Variants in LRP8 observed in about 807,000 individuals in gnomAD.
LRP8 encodes the protein LDL receptor related protein 8.
A neutral mutation model predicts 111.6 loss-of-function variants in LRP8; 46 were observed. The ratio of observed to expected loss-of-function variants is 0.41; its 90% CI spans 0.33 to 0.53. The LOEUF (loss-of-function observed/expected upper bound fraction) is 0.53, where lower values mean the gene tolerates loss of function less well. LRP8 is among the 20% of genes least tolerant of loss of function. LRP8 has a pLI of 0.20. For synonymous variants in LRP8, 464 were observed against 511.2 expected, an observed-to-expected ratio of 0.91 and a Z score of 1.24; for missense variants, 959 against 1,297.4, an observed-to-expected ratio of 0.74 and a Z score of 4.01.
rs958461523 is a variant in LRP8 at position 53,317,856 on chromosome 1, C to G, written c.244+9017G>C. 1.3e-5 allele frequency among the ~76,000 whole-genome samples: 2 copies of G among 152,218 alleles called. No homozygotes were observed. The highest frequency in any genetic ancestry group is 2.9e-5 in the Non-Finnish European group (2 of 68,036). On this transcript the variant is annotated intron_variant, in intron 2 of 18. Transcript: ENST00000306052. The surrounding 1 kb of genome is among the most constrained non-coding windows in gnomAD (Gnocchi z 4.9). ...CAGAAGGGAAAGTCACCCAAGGAAC[C>G]TGGGCCTCAGGGTGGAGCTCTGGAA...
intron 3 of LRP8, 29 bp downstream of exon 3, chr1:53,289,538 C>G (rs781363616): frequency 6.3e-7 from 1 of 1,577,712 alleles, no homozygotes. Context: ...TGAGGCCCAC[C>G]CCCACCCAGA....
Position 53,326,844 on chromosome 1 carries a change from G to A in LRP8, c.244+29C>T, listed in dbSNP as rs1336786734. ...CCCCCACCGTTCCTTTTCTCTCCCC[G>A]GGTCTGAGCTCCCTGGCCCGCCACT... On this transcript the variant is annotated intron_variant, in intron 2 of 18. Coordinates refer to ENST00000306052, the MANE Select transcript of LRP8 (RefSeq NM_004631.5). 4.4e-6 allele frequency: 7 copies of A among 1,605,812 alleles called. No individual in the cohort carries two copies. In the African/African-American group the frequency reaches 6.7e-5, roughly 15 times the overall value.
intron 9 of LRP8, among the ~76,000 whole-genome samples, chr1:53,264,939 A>C (rs1303342155): frequency 2.6e-5 from 4 of 152,168 alleles, no homozygotes; most frequent in African/African-American, 4.8e-5. Flanking sequence ...GTACCACGCC[A>C]AGGAATTAGG....
chr1:53,249,305 C>T lies in LRP8; in HGVS notation c.2853+75G>A, dbSNP rs1164797536. The T allele has an allele frequency of 2.0e-6, 3 of 1,510,376 alleles. No individual in the cohort carries two copies. The African/African-American group carries it at 4.2e-5, about 21-fold the overall frequency. The allele number at this position is 1,510,376 out of a possible 1,614,324, so 93.6% of individuals were successfully genotyped here. On this transcript the variant is annotated intron_variant, in intron 18 of 18. Transcript: ENST00000306052. This position sits in a 1 kb window ranked among gnomAD's most constrained non-coding sequence, Gnocchi z 4.1. ...CAGCCTTCCCAAACCAGAAAGCCTTCTAGGATTGGCTGCGCCTGCCTTGGT... is the reference window on the plus strand; with the variant it reads ...CAGCCTTCCCAAACCAGAAAGCCTTTTAGGATTGGCTGCGCCTGCCTTGGT...
chr1:53,247,128 C>G, intron 18 of LRP8, 72 bp from the exon 19 acceptor site: 1 of 1,219,114 alleles, frequency 8.2e-7, no homozygotes, highest in Non-Finnish European at 1.2e-6. Flanking sequence ...TGACAAATCA[C>G]AGACTTACGT....
rs1325063148 is a variant in LRP8, at chr1:53,317,457, C to T, written c.244+9416G>A. On this transcript the variant is annotated intron_variant, in intron 2 of 18. Coordinates refer to ENST00000306052, the MANE Select transcript of LRP8 (RefSeq NM_004631.5). This position sits in a 1 kb window ranked among gnomAD's most constrained non-coding sequence, Gnocchi z 4.9. ...ATGGGGTGGGATGAGATGGCTCCGA[C>T]AGTCCCTCCCAGCCCGAGGAGCTGC... Among the ~76,000 whole-genome samples the T allele has an allele frequency of 6.6e-6, 1 of 152,220 alleles. No individual in the cohort carries two copies. The highest frequency in any genetic ancestry group is 1.5e-5 in the Non-Finnish European group (1 of 68,038).
chr1:53,285,370 C>T (rs939633560), intron 3 of LRP8, among the ~76,000 whole-genome samples: 1 of 152,140 alleles, frequency 6.6e-6, no homozygotes, highest in South Asian at 2.1e-4. Flanking sequence ...ATCTGATGTC[C>T]ACTCTCAGGA....
chr1:53,285,390 C>T (rs762790212), intron 3 of LRP8, among the ~76,000 whole-genome samples: 13 of 152,146 alleles, frequency 8.5e-5, no homozygotes, highest in Non-Finnish European at 1.3e-4. Context: ...ATAACTGAAG[C>T]CCAAGGGCCC....
chr1:53,300,895 C>T (rs887175354), intron 2 of LRP8, among the ~76,000 whole-genome samples: 6 of 152,232 alleles, frequency 3.9e-5, no homozygotes, highest in Non-Finnish European at 7.3e-5. Flanking sequence ...ATGCCCCTTA[C>T]CCTCTGGTGC....
intron 2 of LRP8, among the ~76,000 whole-genome samples, chr1:53,320,334 A>AGGG (rs1346469162): frequency 6.7e-6 from 1 of 149,962 alleles, no homozygotes; most frequent in Non-Finnish European, 1.5e-5. Flanking sequence ...GGGAACAAAG[A>AGGG]GGGTGGGGGT....
intron 16 of LRP8, among the ~76,000 whole-genome samples, chr1:53,253,238 T>C (rs1645956297): frequency 6.6e-6 from 1 of 152,148 alleles, no homozygotes; most frequent in South Asian, 2.1e-4. Context: ...AACCCAGAAA[T>C]CTTAAAAGAT....
chr1:53,271,353 A>G lies in LRP8; in HGVS notation c.1007-7T>C. ...TGCAGACACTCGTTCAGCCCTGGGG[A>G]GGGACATGGGCTCCTGAAGGTCCAG... On this transcript the variant is annotated splice_region_variant and splice_polypyrimidine_tract_variant and intron_variant, in intron 6 of 18. Coordinates refer to ENST00000306052, the MANE Select transcript of LRP8 (RefSeq NM_004631.5). 1 of 1,613,770 alleles carries G rather than the reference A, an allele frequency of 6.2e-7. No homozygotes were observed. The highest frequency in any genetic ancestry group is 8.5e-7 in the Non-Finnish European group (1 of 1,179,928).
chr1:53,290,238 C>T (rs1324539586), intron 2 of LRP8, among the ~76,000 whole-genome samples: 1 of 152,122 alleles, frequency 6.6e-6, no homozygotes, highest in East Asian at 1.9e-4. Flanking sequence ...CCCTGCCCCC[C>T]GGTGCCTACA....
At chr1:53,325,774 C>A (rs1010707963) in intron 2 of LRP8, among the ~76,000 whole-genome samples, 2 of 152,236 alleles carry the variant, frequency 1.3e-5, no homozygotes, top group African/African-American at 4.8e-5. Context: ...CCCTCAGACC[C>A]CGTCAGTGCT....
chr1:53,247,178 C>T (rs1645753237), intron 18 of LRP8, 122 bp from the exon 19 acceptor site: 1 of 668,258 alleles, frequency 1.5e-6, no homozygotes, highest in Admixed American at 3.8e-5. Context: ...TTCAAACTAT[C>T]CTAAGAGACA....
rs145345012 is a variant in LRP8 at position 53,264,242 on chromosome 1, C to T, written c.1582G>A (p.Gly528Ser). The T allele has an allele frequency of 4.3e-6, 7 of 1,614,052 alleles. No homozygotes were observed. In the African/African-American group the frequency reaches 8.0e-5, roughly 18 times the overall value. Reference protein sequence around the residue: ...NKTISVATVDGGRRRTLFSRN... With the variant: ...NKTISVATVDSGRRRTLFSRN... ...CTGAAGAGAGTGCGTCGGCGGCCAC[C>T]ATCAACTGTGGCCACTGAGATGGTC... The change falls in exon 10 of 19, where the codon GGT becomes AGT. Residue 528 changes from glycine to serine, a missense_variant. Transcript: ENST00000306052.
chr1:53,267,472 GAA>G (rs66785070), intron 8 of LRP8: 2 of 146,978 alleles, frequency 1.4e-5, no homozygotes, highest in Non-Finnish European at 3.0e-5. Flanking sequence ...TGTCTCAAAG[GAA>G]AAAAAAAAAG....
At chr1:53,310,468 G>C (rs1171945310) in intron 2 of LRP8, among the ~76,000 whole-genome samples, 10 of 152,214 alleles carry the variant, frequency 6.6e-5, no homozygotes, top group South Asian at 4.1e-4. Flanking sequence ...AGGCTGATGT[G>C]AATGGAATGA....
At chr1:53,248,606 G>A (rs562345115) in intron 18 of LRP8, among the ~76,000 whole-genome samples, 4 of 152,292 alleles carry the variant, frequency 2.6e-5, no homozygotes, top group East Asian at 3.9e-4. Flanking sequence ...AAAATGGGGC[G>A]AATAATATCA....
Sources: gnomAD v4.1 joint callset for allele counts (sites outside exome capture counted in the v4.1 genomes callset) on GRCh38, gnomAD v4.1.1 for gene constraint, Gnocchi (gnomAD v3.1) non-coding constraint, MANE v1.5 for transcripts, NCBI Gene and HGNC (gene_info 2026-07-23, HGNC 2026-07-21) for gene names.